CTNND2: variants seen among roughly 807,000 people sequenced by gnomAD.
The protein encoded by CTNND2 is catenin delta 2, also known as catenin delta-2.
Under a neutral mutation model 144.4 loss-of-function variants are expected in CTNND2, and 22 were observed. The observed-to-expected ratio is 0.15, with a 90% confidence interval of 0.11 to 0.22. The LOEUF is 0.22. Ranked by LOEUF, CTNND2 falls within the 10% of genes least tolerant of loss-of-function variation. The pLI is 1.00. For missense variants in CTNND2, 1,353 were observed against 1,618.8 expected, an observed-to-expected ratio of 0.84 and a Z score of 2.82; for synonymous variants, 751 against 695.6, an observed-to-expected ratio of 1.08 and a Z score of -1.25.
chr5:11,257,346 C>T (rs1202131508), intron 9 of CTNND2, among the ~76,000 whole-genome samples: 1 of 152,198 alleles, frequency 6.6e-6, no homozygotes, highest in Non-Finnish European at 1.5e-5. Flanking sequence ...CAGAGTTCAT[C>T]ACCATGCACC....
chr5:11,791,891 T>C (rs1025828095), intron 1 of CTNND2, among the ~76,000 whole-genome samples: 1 of 152,198 alleles, frequency 6.6e-6, no homozygotes, highest in Admixed American at 6.5e-5. Context: ...TTATTCTAAC[T>C]GATCAGATAC....
At chr5:11,847,798 TTAAC>T (rs1402410247) in intron 1 of CTNND2, among the ~76,000 whole-genome samples, 4 of 152,144 alleles carry the variant, frequency 2.6e-5, no homozygotes, top group East Asian at 1.9e-4. Context: ...TAAAAAGAAA[TTAAC>T]TATGTGAAAC....
intron 1 of CTNND2, among the ~76,000 whole-genome samples, chr5:11,789,984 A>T (rs1431385289): frequency 6.6e-6 from 1 of 152,200 alleles, no homozygotes; most frequent in Non-Finnish European, 1.5e-5. Context: ...TCTTCTGACT[A>T]GTATTAATGT....
intron 3 of CTNND2, among the ~76,000 whole-genome samples, chr5:11,447,804 G>A (rs1218637919): frequency 6.6e-6 from 1 of 152,170 alleles, no homozygotes; most frequent in African/African-American, 2.4e-5. Flanking sequence ...CAAGGAAGGA[G>A]TTTCTCCCAC....
intron 5 of CTNND2, among the ~76,000 whole-genome samples, chr5:11,409,766 C>A (rs1195483681): frequency 6.6e-6 from 1 of 152,034 alleles, no homozygotes; most frequent in Non-Finnish European, 1.5e-5. Context: ...TTTGACCATT[C>A]CTTTAATTTC....
chr5:11,034,536 G>A (rs770414927), intron 16 of CTNND2, among the ~76,000 whole-genome samples: 3 of 152,172 alleles, frequency 2.0e-5, no homozygotes, highest in Admixed American at 6.5e-5. Flanking sequence ...AAATGTCCTG[G>A]ACTTGTTCAT....
intron 10 of CTNND2, among the ~76,000 whole-genome samples, chr5:11,218,552 T>C (rs1305873781): frequency 2.0e-5 from 3 of 152,174 alleles, no homozygotes; most frequent in Non-Finnish European, 1.5e-5. Flanking sequence ...GATTGGCTTT[T>C]TCTCAGAAAC....
At chr5:11,479,889 T>C (rs1420123172) in intron 3 of CTNND2, among the ~76,000 whole-genome samples, 3 of 152,226 alleles carry the variant, frequency 2.0e-5, no homozygotes, top group Non-Finnish European at 2.9e-5. Flanking sequence ...GTTAAGTTCC[T>C]TATAGATGTT....
At chr5:11,865,784 AGAG>A (rs1165625271) in intron 1 of CTNND2, among the ~76,000 whole-genome samples, 9 of 151,724 alleles carry the variant, frequency 5.9e-5, no homozygotes, top group South Asian at 2.1e-4. Flanking sequence ...CAAAGGAAGA[AGAG>A]GAGAACTATA....
intron 1 of CTNND2, among the ~76,000 whole-genome samples, chr5:11,855,613 T>G (rs993870818): frequency 3.3e-5 from 5 of 152,228 alleles, no homozygotes; most frequent in Non-Finnish European, 7.3e-5. Context: ...AAGCCACTTT[T>G]AACTCATCTT....
intron 9 of CTNND2, among the ~76,000 whole-genome samples, chr5:11,250,491 C>CTCTCTATATATATATATA (rs869141186): frequency 1.4e-3 from 88 of 64,072 alleles, no homozygotes; most frequent in Non-Finnish European, 1.9e-3. Context: ...CTCTCTCTCT[C>CTCTCTATATATATATATA]TATATATATA....
intron 9 of CTNND2, among the ~76,000 whole-genome samples, chr5:11,251,380 C>T (rs1743635554): frequency 6.6e-6 from 1 of 152,212 alleles, no homozygotes; most frequent in African/African-American, 2.4e-5. Flanking sequence ...GCCATCTTCA[C>T]ATCCTCTCCT....
In CTNND2 at chr5:10,988,782, G is replaced by A. The variant is rs1444150346; in HGVS notation, c.3212-540C>T. Among the ~76,000 whole-genome samples, 1 of 152,188 alleles carries A rather than the reference G, an allele frequency of 6.6e-6. No homozygotes were observed. Among genetic ancestry groups the A allele is most frequent in the African/African-American group, 2.4e-5 (1 of 41,452 alleles). On this transcript the variant is annotated intron_variant, in intron 19 of 21. Transcript: ENST00000304623. The surrounding 1 kb of genome is among the most constrained non-coding windows in gnomAD (Gnocchi z 5.9). Reference sequence around the variant, plus strand: ...CAGCTCTCTACACAGGATGATTTGTGGGGCAAAAATAACCAAGCCCACAAA... The same window carrying A: ...CAGCTCTCTACACAGGATGATTTGTAGGGCAAAAATAACCAAGCCCACAAA...
intron 10 of CTNND2, among the ~76,000 whole-genome samples, chr5:11,231,427 AT>A (rs1261783235): frequency 1.3e-5 from 2 of 152,188 alleles, no homozygotes; most frequent in African/African-American, 4.8e-5. Context: ...CAAAATGCTG[AT>A]AGTGATATGG....
chr5:11,715,761 T>C (rs575764951), intron 2 of CTNND2, among the ~76,000 whole-genome samples: 172 of 152,332 alleles, frequency 1.1e-3, no homozygotes, highest in African/African-American at 4.1e-3. Context: ...ATGATTTAGT[T>C]AGAATGCATT....
At chr5:11,658,429 G>A (rs1358291479) in intron 2 of CTNND2, among the ~76,000 whole-genome samples, 3 of 152,032 alleles carry the variant, frequency 2.0e-5, no homozygotes, top group Admixed American at 6.6e-5. Context: ...GGTGACAGTG[G>A]TGCATTCTGA....
chr5:11,779,233 T>C (rs1448951483), intron 1 of CTNND2, among the ~76,000 whole-genome samples: 1 of 152,228 alleles, frequency 6.6e-6, no homozygotes, highest in African/African-American at 2.4e-5. Flanking sequence ...TTTTTAACCA[T>C]ATATTTTTAA....
intron 1 of CTNND2, among the ~76,000 whole-genome samples, chr5:11,814,643 T>C (rs1467600527): frequency 6.6e-6 from 1 of 152,244 alleles, no homozygotes; most frequent in East Asian, 1.9e-4. Flanking sequence ...CTACTTTCAA[T>C]GATTTCCAAG....
At chr5:11,694,751 CAT>C (rs1484902171) in intron 2 of CTNND2, among the ~76,000 whole-genome samples, 1 of 152,192 alleles carries the variant, frequency 6.6e-6, no homozygotes, top group African/African-American at 2.4e-5. Flanking sequence ...TCTATTTCTG[CAT>C]ATCTCTCCTC....
Sources: allele counts gnomAD v4.1 joint callset (sites outside exome capture counted in the v4.1 genomes callset), GRCh38; gene constraint gnomAD v4.1.1; non-coding constraint Gnocchi (gnomAD v3.1); transcripts MANE v1.5; gene names NCBI Gene and HGNC (gene_info 2026-07-23, HGNC 2026-07-21).